Variants in APAF1 observed in about 807,000 individuals in gnomAD.
APAF1 encodes the protein apoptotic protease-activating factor 1.
Under a neutral mutation model 152.4 loss-of-function variants are expected in APAF1, and 91 were observed. The observed-to-expected ratio is 0.60, with a 90% CI of 0.50 to 0.71. The LOEUF (loss-of-function observed/expected upper bound fraction) is 0.71. Among genes scored for constraint, APAF1 ranks in the 30% least tolerant of loss-of-function variants. The probability of loss-of-function intolerance (pLI) is 0.00; values close to 1 mark genes in which losing one functional copy is unlikely to be tolerated. For missense variants in APAF1, 1,283 were observed against 1,472.0 expected (o/e 0.87, Z 2.10); for synonymous variants, 484 against 494.1 (o/e 0.98, Z 0.27).
intron 14 of APAF1, 24 bp downstream of exon 14, chr12:98,680,426 G>T: frequency 6.2e-7 from 1 of 1,609,816 alleles, no homozygotes. Flanking sequence ...TTCCTCTTGA[G>T]TTGTAATCAC....
At chr12:98,682,462 G>T (rs139629204) in intron 14 of APAF1, among the ~76,000 whole-genome samples, 1 of 152,156 alleles carries the variant, frequency 6.6e-6, no homozygotes, top group Non-Finnish European at 1.5e-5. Flanking sequence ...GTTAAGTGTC[G>T]ATCCCGTTTA....
chr12:98,657,533 A>C (rs2153311724), intron 4 of APAF1, among the ~76,000 whole-genome samples: 1 of 152,320 alleles, frequency 6.6e-6, no homozygotes, highest in East Asian at 1.9e-4. Context: ...AAAAAGTCTA[A>C]TTTTCATAAT....
intron 18 of APAF1, among the ~76,000 whole-genome samples, chr12:98,705,348 C>T (rs2097720286): frequency 6.6e-6 from 1 of 152,114 alleles, no homozygotes; most frequent in African/African-American, 2.4e-5. Flanking sequence ...GGGGAGGATT[C>T]TCAAGGGAGA....
rs376065572 is a variant in APAF1 at position 98,665,807 on chromosome 12, A to G, written c.1194+16A>G. The G allele has an allele frequency of 4.8e-5, 75 of 1,553,226 alleles. No homozygotes were observed. Among genetic ancestry groups the G allele is most frequent in the Non-Finnish European group, 6.3e-5 (71 of 1,124,762 alleles). ...GCCTACAAAGGTAATGGGATCAATG[A>G]TCCTCATCATTGGGTATTTATTGCA... On this transcript the variant is annotated intron_variant, in intron 8 of 26. Coordinates refer to ENST00000551964, the MANE Select transcript of APAF1 (RefSeq NM_181861.2).
intron 4 of APAF1, among the ~76,000 whole-genome samples, chr12:98,656,377 A>G (rs60201657): frequency 0.1 from 15,422 of 152,254 alleles, 849 homozygotes; most frequent in East Asian, 0.21. Flanking sequence ...GCAAACTTAC[A>G]CTGAAGGAGG....
intron 16 of APAF1, among the ~76,000 whole-genome samples, chr12:98,692,267 TAGAG>T (rs1316651571): frequency 6.6e-6 from 1 of 151,990 alleles, no homozygotes; most frequent in Non-Finnish European, 1.5e-5. Flanking sequence ...TATTTTTGAG[TAGAG>T]ACGGGGTTTC....
chr12:98,680,556 A>C (rs1160406992), intron 14 of APAF1, among the ~76,000 whole-genome samples, 154 bp downstream of exon 14: 1 of 152,064 alleles, frequency 6.6e-6, no homozygotes. Context: ...AAAATTCTTT[A>C]CTTTTTTTTA....
At chr12:98,666,426 T>G in intron 9 of APAF1, 69 bp downstream of exon 9, 1 of 1,496,998 alleles carries the variant, frequency 6.7e-7, no homozygotes, top group Non-Finnish European at 9.1e-7. Flanking sequence ...TATTGAAAAT[T>G]TACAAAATAG....
intron 20 of APAF1, among the ~76,000 whole-genome samples, chr12:98,709,662 T>C (rs953255464): frequency 2.6e-5 from 4 of 152,094 alleles, no homozygotes; most frequent in African/African-American, 9.7e-5. Flanking sequence ...CAGCAGAGTA[T>C]GGACCATTGA....
chr12:98,689,497 A>T (rs199828818), intron 16 of APAF1, among the ~76,000 whole-genome samples: 12,701 of 132,214 alleles, frequency 0.096, 717 homozygotes, highest in East Asian at 0.26. Context: ...TGTGTGTGTG[A>T]GAGAGAGACA....
intron 4 of APAF1, among the ~76,000 whole-genome samples, chr12:98,652,526 A>C (rs1010323404): frequency 6.8e-6 from 1 of 147,362 alleles, no homozygotes; most frequent in Admixed American, 6.7e-5. Flanking sequence ...TTATTTGTCT[A>C]TTTTCCATTG....
At chr12:98,716,155 T>C (rs1035399174) in intron 22 of APAF1, among the ~76,000 whole-genome samples, 7 of 152,358 alleles carry the variant, frequency 4.6e-5, no homozygotes, top group Non-Finnish European at 7.3e-5. Flanking sequence ...TTTTAGCTTT[T>C]AGATGATTCT....
chr12:98,648,297 T>C, intron 1 of APAF1, 22 bp from the exon 2 acceptor site: 2 of 1,575,488 alleles, frequency 1.3e-6, no homozygotes, highest in Non-Finnish European at 1.7e-6. Flanking sequence ...GCCTGACAAA[T>C]ATTTTGGTGT....
intron 15 of APAF1, 100 bp downstream of exon 15, chr12:98,683,374 C>A: frequency 3.4e-6 from 4 of 1,182,608 alleles, no homozygotes; most frequent in South Asian, 2.5e-5. Context: ...ACTTTCTGGT[C>A]ACAATGATAG....
chr12:98,655,742 T>G (rs1192170747), intron 4 of APAF1, among the ~76,000 whole-genome samples: 1 of 151,450 alleles, frequency 6.6e-6, no homozygotes, highest in Non-Finnish European at 1.5e-5. Context: ...GCCTCCTGAG[T>G]AGCTGGGCCA....
At chr12:98,677,401 T>C in intron 12 of APAF1, 24 bp from the exon 13 acceptor site, 1 of 1,612,104 alleles carries the variant, frequency 6.2e-7, no homozygotes, top group Non-Finnish European at 8.5e-7. Context: ...ATTTAATTTC[T>C]GTTCATTTTT....
intron 10 of APAF1, among the ~76,000 whole-genome samples, chr12:98,669,196 T>G (rs1442917321): frequency 6.6e-6 from 1 of 152,222 alleles, no homozygotes; most frequent in Non-Finnish European, 1.5e-5. Flanking sequence ...TTTTGGTCCT[T>G]ATGATGTAAT....
At chr12:98,725,195 A>G (rs77954860) in intron 24 of APAF1, among the ~76,000 whole-genome samples, 4 of 152,208 alleles carry the variant, frequency 2.6e-5, no homozygotes, top group Non-Finnish European at 5.9e-5. Context: ...TTAAGGAAGG[A>G]GTGACATTGA....
Position 98,679,465 on chromosome 12 carries a change from C to T in APAF1, c.1921-812C>T, listed in dbSNP as rs550139152. On this transcript the variant is annotated intron_variant, in intron 13 of 26. Coordinates refer to ENST00000551964, the MANE Select transcript of APAF1 (RefSeq NM_181861.2). The stretch of plus-strand genomic sequence containing the variant: ...GTCTTGCTCACCTTCCACCTGTCAG[C>T]GTACCACATTCTTCCTGGTTGTAGG... Among the ~76,000 whole-genome samples the T allele has an allele frequency of 1.8e-3, 278 of 152,330 alleles. 1 individual carries two copies. The highest frequency in any genetic ancestry group is 6.4e-3 in the African/African-American group (265 of 41,580).
Sources: gnomAD v4.1 joint callset for allele counts (sites outside exome capture counted in the v4.1 genomes callset) on GRCh38, gnomAD v4.1.1 for gene constraint, MANE v1.5 for transcripts, NCBI Gene and HGNC (gene_info 2026-07-23, HGNC 2026-07-21) for gene names.